Variants in RIMS2 observed in about 807,000 individuals in gnomAD.
RIMS2 encodes the protein regulating synaptic membrane exocytosis protein 2.
Under a neutral mutation model 174.4 loss-of-function variants are expected in RIMS2, and 59 were observed. The ratio of observed to expected loss-of-function variants is 0.34; its 90% CI spans 0.27 to 0.42. The LOEUF is 0.42. RIMS2 is among the 10% of genes least tolerant of loss of function. The pLI is 1.00. For missense variants in RIMS2, 1,620 were observed against 1,666.3 expected (o/e 0.97, Z 0.48); for synonymous variants, 606 against 572.5 (o/e 1.06, Z -0.84).
At chr8:103,534,185 T>C (rs932022389) in intron 1 of RIMS2, among the ~76,000 whole-genome samples, 1 of 152,234 alleles carries the variant, frequency 6.6e-6, no homozygotes, top group African/African-American at 2.4e-5. Flanking sequence ...AGTTCTACCA[T>C]GGAACTTAAA....
intron 1 of RIMS2, among the ~76,000 whole-genome samples, chr8:103,596,721 C>A (rs540924716): frequency 6.6e-6 from 1 of 151,918 alleles, no homozygotes; most frequent in African/African-American, 2.4e-5. Context: ...TAAAAAATTA[C>A]AATTTGACCT....
In RIMS2 at chr8:103,567,911, T is replaced by C. The variant is rs575408782; in HGVS notation, c.176+66849T>C. Among the ~76,000 whole-genome samples, 18 of 152,328 alleles carry C rather than the reference T, an allele frequency of 1.2e-4. No homozygotes were observed. The South Asian group carries it at 2.7e-3, about 23-fold the overall frequency. Reference sequence around the variant, plus strand: ...TGCCTTGCATTTCTCTAATGACAGATGATGGTGAGCATCTTTTCATGTGCT... The same window carrying C: ...TGCCTTGCATTTCTCTAATGACAGACGATGGTGAGCATCTTTTCATGTGCT... On this transcript the variant is annotated intron_variant, in intron 1 of 23. Coordinates refer to ENST00000504942, the Ensembl canonical transcript of RIMS2.
chr8:103,814,970 G>A (rs1169247907), intron 3 of RIMS2, among the ~76,000 whole-genome samples: 2 of 152,094 alleles, frequency 1.3e-5, no homozygotes, highest in Non-Finnish European at 2.9e-5. Flanking sequence ...AAAAGTTCAT[G>A]GGCCAACATT....
At chr8:104,057,483 A>G in intron 19 of RIMS2, among the ~76,000 whole-genome samples, 1 of 152,058 alleles carries the variant, frequency 6.6e-6, no homozygotes, top group Non-Finnish European at 1.5e-5. Flanking sequence ...AAACAAACAC[A>G]TATTATTTTC....
intron 1 of RIMS2, among the ~76,000 whole-genome samples, chr8:103,681,813 T>C (rs1020010722): frequency 1.3e-5 from 2 of 152,012 alleles, no homozygotes; most frequent in African/African-American, 2.4e-5. Context: ...ACAGAGTAGA[T>C]TGAAGGGAAG....
chr8:104,210,044 A>T (rs2099098660), intron 19 of RIMS2, among the ~76,000 whole-genome samples: 2 of 152,224 alleles, frequency 1.3e-5, no homozygotes, highest in South Asian at 4.1e-4. Flanking sequence ...CAGGCAAATT[A>T]TGAAGGGAAA....
At chr8:103,667,088 C>T (rs1054643829) in intron 1 of RIMS2, among the ~76,000 whole-genome samples, 4 of 152,100 alleles carry the variant, frequency 2.6e-5, no homozygotes, top group Admixed American at 6.6e-5. Context: ...CCTCATGAAC[C>T]AAACCAGCTA....
At chr8:103,762,118 T>G (rs952677405) in intron 2 of RIMS2, among the ~76,000 whole-genome samples, 5 of 152,014 alleles carry the variant, frequency 3.3e-5, no homozygotes, top group Non-Finnish European at 7.4e-5. Context: ...CTTAGTTTTT[T>G]TCCCTTCCTT....
At chr8:104,006,181 T>C (rs999154754) in intron 17 of RIMS2, among the ~76,000 whole-genome samples, 3 of 152,164 alleles carry the variant, frequency 2.0e-5, no homozygotes, top group African/African-American at 7.2e-5. Flanking sequence ...TTATTATTTC[T>C]TGTTTCTGTT....
At chr8:103,663,184 A>T (rs28561909) in intron 1 of RIMS2, among the ~76,000 whole-genome samples, 26,901 of 138,292 alleles carry the variant, frequency 0.19, 2,574 homozygotes, top group African/African-American at 0.26. Context: ...AAAAAAAAAA[A>T]TTTTTTTTCT....
At chr8:103,737,091 C>G (rs1370221409) in intron 2 of RIMS2, among the ~76,000 whole-genome samples, 1 of 151,918 alleles carries the variant, frequency 6.6e-6, no homozygotes, top group South Asian at 2.1e-4. Context: ...ATATGCATCC[C>G]CTTGAAAGCA....
intron 14 of RIMS2, among the ~76,000 whole-genome samples, chr8:103,949,059 C>T (rs1479314456): frequency 3.1e-5 from 4 of 130,100 alleles, no homozygotes; most frequent in Admixed American, 9.3e-5. Flanking sequence ...CCTGGGAGGT[C>T]GAGGCTGCAG....
At chr8:103,727,974 A>G (rs1593500) in intron 2 of RIMS2, among the ~76,000 whole-genome samples, 26,761 of 151,986 alleles carry the variant, frequency 0.18, 2,553 homozygotes, top group African/African-American at 0.23. Flanking sequence ...TCTGTGAAGA[A>G]TGTTACTGGT....
intron 14 of RIMS2, among the ~76,000 whole-genome samples, chr8:103,949,439 G>T (rs891664878): frequency 6.6e-5 from 10 of 152,264 alleles, no homozygotes; most frequent in African/African-American, 2.4e-4. Context: ...TCAAGTCAAA[G>T]TTTGTTATCT....
At chr8:104,094,341 A>C (rs1185974799) in intron 19 of RIMS2, 2 of 533,824 alleles carry the variant, frequency 3.7e-6, no homozygotes, top group Non-Finnish European at 6.6e-6. Context: ...TAAGTTTTCA[A>C]CATTTAAAAG....
At chr8:103,700,111 C>T (rs929336672) in intron 2 of RIMS2, among the ~76,000 whole-genome samples, 1 of 152,096 alleles carries the variant, frequency 6.6e-6, no homozygotes, top group Non-Finnish European at 1.5e-5. Context: ...TCATTTAAAT[C>T]TGTTATCTCA....
intron 1 of RIMS2, among the ~76,000 whole-genome samples, chr8:103,593,357 A>G (rs1162682344): frequency 6.6e-6 from 1 of 151,676 alleles, no homozygotes; most frequent in East Asian, 1.9e-4. Flanking sequence ...CATGGGTAAA[A>G]GACCTATTCA....
chr8:103,673,792 T>G (rs1222785883), intron 1 of RIMS2, among the ~76,000 whole-genome samples: 1 of 152,224 alleles, frequency 6.6e-6, no homozygotes, highest in East Asian at 1.9e-4. Flanking sequence ...AGTTGTTGCT[T>G]CACAGCCAGC....
intron 3 of RIMS2, chr8:103,768,611 T>G: frequency 8.9e-7 from 1 of 1,119,814 alleles, no homozygotes; most frequent in East Asian, 2.3e-5. Flanking sequence ...TGCTCTAACT[T>G]GGTTATTGTA....
Sources: gnomAD v4.1 joint callset for allele counts (sites outside exome capture counted in the v4.1 genomes callset) on GRCh38, gnomAD v4.1.1 for gene constraint, MANE v1.5 for transcripts, NCBI Gene and HGNC (gene_info 2026-07-23, HGNC 2026-07-21) for gene names.